EPHB1: variants seen among roughly 807,000 people sequenced by gnomAD.
EPHB1 encodes the protein EPH receptor B1.
Under a neutral mutation model 94.4 loss-of-function variants are expected in EPHB1, and 30 were observed. The ratio of observed to expected loss-of-function variants is 0.32; its 90% CI spans 0.24 to 0.43. The LOEUF (loss-of-function observed/expected upper bound fraction) is 0.43, where lower values mean the gene tolerates loss of function less well. Ranked by LOEUF, EPHB1 falls within the 20% of genes least tolerant of loss-of-function variation. The pLI, the probability that EPHB1 is intolerant of heterozygous loss-of-function variation, is 1.00. For missense variants in EPHB1, 1,055 were observed against 1,308.3 expected (o/e 0.81, Z 2.99); for synonymous variants, 522 against 489.1 (o/e 1.07, Z -0.89).
chr3:134,917,847 A>G (rs984459905), intron 1 of EPHB1, among the ~76,000 whole-genome samples: 1 of 152,258 alleles, frequency 6.6e-6, no homozygotes, highest in Admixed American at 6.5e-5. Context: ...TGGCAAAGAC[A>G]ATAAATAAAT....
intron 3 of EPHB1, among the ~76,000 whole-genome samples, chr3:135,093,413 C>T (rs1389887806): frequency 1.3e-5 from 2 of 152,132 alleles, no homozygotes; most frequent in Non-Finnish European, 2.9e-5. Context: ...AAAAAATCTT[C>T]CACTATTTGA....
chr3:135,154,885 G>C (rs1288743162), intron 6 of EPHB1, among the ~76,000 whole-genome samples: 1 of 152,190 alleles, frequency 6.6e-6, no homozygotes, highest in Non-Finnish European at 1.5e-5. Context: ...GTGCCTGGTG[G>C]AGCTGGTCCC....
At chr3:135,193,969 G>A (rs1370645734) in intron 11 of EPHB1, among the ~76,000 whole-genome samples, 1 of 152,176 alleles carries the variant, frequency 6.6e-6, no homozygotes, top group Non-Finnish European at 1.5e-5. Context: ...ATTGTCTGAA[G>A]CCTCTTTCAT....
At chr3:135,132,637 A>G in intron 4 of EPHB1, 77 bp from the exon 5 acceptor site, 1 of 1,356,966 alleles carries the variant, frequency 7.4e-7, no homozygotes, top group Non-Finnish European at 1.0e-6. Context: ...TTGGGAATGC[A>G]CCAGAGGCAG....
chr3:135,184,456 T>A (rs1942276303), intron 10 of EPHB1, among the ~76,000 whole-genome samples: 1 of 152,222 alleles, frequency 6.6e-6, no homozygotes, highest in Admixed American at 6.5e-5. Flanking sequence ...ATTATTTGTT[T>A]AATGTTCGTC....
intron 3 of EPHB1, among the ~76,000 whole-genome samples, chr3:134,982,816 T>C (rs1934456522): frequency 1.2e-5 from 1 of 86,722 alleles, no homozygotes; most frequent in African/African-American, 7.5e-5. Context: ...TATTTTCAGA[T>C]TAAAAAAAAA....
intron 4 of EPHB1, among the ~76,000 whole-genome samples, chr3:135,113,144 G>C (rs1939530208): frequency 6.6e-6 from 1 of 152,168 alleles, no homozygotes; most frequent in Admixed American, 6.5e-5. Context: ...GCCTAGATTT[G>C]GGTCCCCGCC....
chr3:134,960,153 C>T (rs16842390), intron 3 of EPHB1, among the ~76,000 whole-genome samples: 3,622 of 151,948 alleles, frequency 0.024, 109 homozygotes, highest in African/African-American at 0.07. Flanking sequence ...CTGCTTTGGG[C>T]CATTGATGAG....
chr3:134,866,915 A>T (rs2037392254), intron 1 of EPHB1, among the ~76,000 whole-genome samples: 1 of 152,202 alleles, frequency 6.6e-6, no homozygotes, highest in Non-Finnish European at 1.5e-5. Flanking sequence ...AAACTCCACA[A>T]GGACAGAAAA....
intron 12 of EPHB1, among the ~76,000 whole-genome samples, chr3:135,232,637 T>C (rs1278570105): frequency 1.3e-5 from 2 of 152,260 alleles, no homozygotes; most frequent in East Asian, 3.8e-4. Context: ...TTTTCATCAT[T>C]TTAAGATCTT....
rs1223157772 is a variant in EPHB1, at chr3:135,192,613, G to T, written c.1920G>T (p.Leu640=). The T allele has an allele frequency of 6.2e-7, 1 of 1,613,814 alleles. No individual in the cohort carries two copies. The highest frequency in any genetic ancestry group is 1.3e-5 in the African/African-American group (1 of 74,898). Residue 640 remains leucine (L), a synonymous_variant, in exon 11 of 16, where the codon CTG becomes CTT. Transcript: ENST00000398015. ...AAGTGTACAAGGGGCGTTTGAAACT[G>T]CCAGGCAAGAGGGAAATCTACGTGG... ...FGEVYKGRLK[L]PGKREIYVAI...
intron 3 of EPHB1, among the ~76,000 whole-genome samples, chr3:135,081,371 T>C (rs1938157820): frequency 6.6e-6 from 1 of 152,172 alleles, no homozygotes. Context: ...TAGAATCAGA[T>C]TTGCTAAAGG....
At chr3:135,249,301 A>G (rs370770003) in intron 14 of EPHB1, 35 bp from the exon 15 acceptor site, 4 of 1,589,408 alleles carry the variant, frequency 2.5e-6, no homozygotes, top group African/African-American at 2.7e-5. Flanking sequence ...GCATCTCTGC[A>G]ATGTGTGGTC....
At chr3:135,192,004 T>G (rs1378903407) in intron 10 of EPHB1, among the ~76,000 whole-genome samples, 1 of 152,238 alleles carries the variant, frequency 6.6e-6, no homozygotes, top group East Asian at 1.9e-4. Context: ...TTGGGCTGTC[T>G]CCGCCCAATC....
intron 3 of EPHB1, among the ~76,000 whole-genome samples, chr3:135,096,385 G>A (rs1052083318): frequency 1.3e-5 from 2 of 152,170 alleles, no homozygotes; most frequent in African/African-American, 2.4e-5. Context: ...TCAGACTAGA[G>A]CTATACCAGA....
intron 9 of EPHB1, among the ~76,000 whole-genome samples, chr3:135,173,739 T>C (rs1255547831): frequency 6.6e-6 from 1 of 152,208 alleles, no homozygotes; most frequent in Non-Finnish European, 1.5e-5. Flanking sequence ...CAACTCCAGC[T>C]CCACTCTTCT....
chr3:135,165,638 A>G (rs1414565346), intron 7 of EPHB1, among the ~76,000 whole-genome samples: 1 of 152,222 alleles, frequency 6.6e-6, no homozygotes, highest in South Asian at 2.1e-4. Context: ...CTTCATTGGA[A>G]TGTCCTTAAC....
rs149824044 is a variant in EPHB1 at position 134,875,921 on chromosome 3, CCA to C, written c.59-49894_59-49893del. Among the ~76,000 whole-genome samples, 999 of 152,264 alleles carry C rather than the reference CCA, an allele frequency of 6.6e-3. 8 individuals carry two copies. The highest frequency in any genetic ancestry group is 0.014 in the South Asian group (66 of 4,814). On this transcript the variant is annotated intron_variant, in intron 1 of 15. Coordinates refer to ENST00000398015, the MANE Select transcript of EPHB1 (RefSeq NM_004441.5). ...CCGTGAGCCAGCCTCCACTCAGCTG[CCA>C]GAGGGAGCTTTCTAAACTGCACACT...
At chr3:135,099,527 C>A (rs1241290040) in intron 3 of EPHB1, among the ~76,000 whole-genome samples, 2 of 152,228 alleles carry the variant, frequency 1.3e-5, no homozygotes, top group African/African-American at 2.4e-5. Flanking sequence ...GCAAAGACTG[C>A]TTTTGAGAAT....
Sources: gnomAD v4.1 joint callset for allele counts (sites outside exome capture counted in the v4.1 genomes callset) on GRCh38, gnomAD v4.1.1 for gene constraint, MANE v1.5 for transcripts, NCBI Gene and HGNC (gene_info 2026-07-23, HGNC 2026-07-21) for gene names.